PPIE: variants seen among roughly 807,000 people sequenced by gnomAD.
PPIE encodes peptidylprolyl isomerase E.
PPIE carries 20 observed loss-of-function variants against 38.4 expected under a neutral mutation model. That is an observed-to-expected ratio of 0.52 (90% CI 0.37 to 0.76). PPIE has a LOEUF of 0.76. Among genes scored for constraint, PPIE ranks in the 30% least tolerant of loss-of-function variants. The probability of loss-of-function intolerance (pLI) is 0.00; values close to 1 mark genes in which losing one functional copy is unlikely to be tolerated. For missense variants in PPIE, 322 were observed against 385.8 expected (o/e 0.83, Z 1.39); for synonymous variants, 142 against 135.7 (o/e 1.05, Z -0.32).
At chr1:39,762,840 T>C (rs1289750244) in intron 9 of PPIE, among the ~76,000 whole-genome samples, 27 of 152,242 alleles carry the variant, frequency 1.8e-4, no homozygotes, top group Admixed American at 1.4e-3. Flanking sequence ...GTTTGTTCGG[T>C]GCATAGAACA....
intron 9 of PPIE, 101 bp from the exon 10 acceptor site, chr1:39,753,186 G>C (rs1402609125): frequency 2.5e-6 from 4 of 1,585,554 alleles, no homozygotes; most frequent in Non-Finnish European, 3.5e-6. Context: ...CTGCTGCCCA[G>C]GTTCCGGGGT....
At chr1:39,745,727 A>G in intron 7 of PPIE, 1 of 526,018 alleles carries the variant, frequency 1.9e-6, no homozygotes, top group Non-Finnish European at 3.3e-6. Flanking sequence ...AAATACAAGT[A>G]AATAATGTAT....
At position 39,744,633 on chromosome 1, in the gene PPIE, TCATGGGCAG is replaced by T. The variant is rs1322111034; in HGVS notation, c.384+711_384+719del. ...CTTCAGATATTTCTGCCTGCAAGTC[TCATGGGCAG>T]CTTAAGTTTGCCTAAAATGGATTCT... On this transcript the variant is annotated intron_variant, in intron 6 of 9. Transcript: ENST00000324379. 3.3e-5 allele frequency among the ~76,000 whole-genome samples: 5 copies of T among 152,216 alleles called. No individual in the cohort carries two copies. In the East Asian group the frequency reaches 9.6e-4, roughly 29 times the overall value.
At chr1:39,763,605 T>C (rs1649343737) in intron 9 of PPIE, 2 of 1,417,992 alleles carry the variant, frequency 1.4e-6, no homozygotes, top group Non-Finnish European at 1.9e-6. Flanking sequence ...AAGAAAAAAA[T>C]ACATAAGAAA....
chr1:39,750,894 T>C (rs1647657909), intron 8 of PPIE, among the ~76,000 whole-genome samples: 1 of 152,230 alleles, frequency 6.6e-6, no homozygotes, highest in African/African-American at 2.4e-5. Flanking sequence ...TATAGCCCAC[T>C]GACCCACATC....
chr1:39,751,830 A>C (rs915967979), intron 8 of PPIE, among the ~76,000 whole-genome samples: 8 of 152,144 alleles, frequency 5.3e-5, no homozygotes, highest in Non-Finnish European at 2.9e-5. Context: ...CATGCCTGTA[A>C]TCCCAACACT....
intron 8 of PPIE, among the ~76,000 whole-genome samples, chr1:39,750,574 G>A (rs971486812): frequency 6.6e-6 from 1 of 152,210 alleles, no homozygotes; most frequent in Non-Finnish European, 1.5e-5. Context: ...CAGTGCTCGT[G>A]AAGTTTCAGA....
downstream of PPIE, chr1:39,760,524 T>C: frequency 6.2e-7 from 1 of 1,614,016 alleles, no homozygotes; most frequent in East Asian, 2.2e-5. Flanking sequence ...GCTTGGTGGG[T>C]GCACAGCACG....
In PPIE at chr1:39,747,455, C is replaced by CTTTTTTTTT. The variant is rs35755213; in HGVS notation, c.509-1431_509-1423dup. The CTTTTTTTTT allele has an allele frequency of 5.1e-4, 37 of 72,976 alleles. 1 individual carries two copies. The highest frequency in any genetic ancestry group is 0.014 in the Middle Eastern group (1 of 72). 4.5% of individuals were successfully genotyped at this position (72,976 alleles called of 1,614,324 possible). On this transcript the variant is annotated intron_variant, in intron 7 of 9. Coordinates refer to ENST00000324379, the MANE Select transcript of PPIE (RefSeq NM_006112.4). ...GTGTTTCAGTTTTTCCACATCTTCT[C>CTTTTTTTTT]TTTTTTTTTTTTTTTTTTTTTTTTT...
intron 7 of PPIE, chr1:39,748,681 ACT>A: frequency 2.0e-6 from 1 of 512,440 alleles, no homozygotes; most frequent in Non-Finnish European, 3.5e-6. Context: ...GTTGCAGTGA[ACT>A]GAGATTGTGC....
Position 39,763,738 on chromosome 1 carries a change from C to G in PPIE, c.887C>G (p.Thr296Arg), listed in dbSNP as rs150985572. ...AGCCAGCCGAGGTCCTGGAAGCTGA[C>G]GTAGAGCTCGTGCCGACGGCAGACC... Residue 296 changes from threonine to arginine, a missense_variant, in exon 10 of 10, where the codon ACG becomes AGG. Physicochemically the swap from Thr to Arg is moderately conservative, Grantham distance 71. Coordinates refer to the PPIE transcript ENST00000356511. 2.6e-5 allele frequency: 42 copies of G among 1,603,188 alleles called. 5 individuals carry two copies. In the African/African-American group the frequency reaches 5.7e-4, roughly 22 times the overall value.
downstream of PPIE, chr1:39,757,355 C>T (rs922311299): frequency 3.9e-5 from 6 of 152,236 alleles, no homozygotes; most frequent in Non-Finnish European, 7.3e-5. Context: ...GAACCAATAT[C>T]ATACTCTACA....
chr1:39,740,650 G>A (rs549151391), intron 2 of PPIE, among the ~76,000 whole-genome samples: 5 of 152,344 alleles, frequency 3.3e-5, no homozygotes, highest in African/African-American at 1.2e-4. Context: ...CCATAATGGG[G>A]GTGGGTGAGG....
rs542999110 is a variant in PPIE, at chr1:39,753,720, C to G, written c.*365C>G. On this transcript the variant is annotated 3_prime_UTR_variant, in exon 10 of 10. Transcript: ENST00000324379. ...TCTTATATTGCTCTTCCTGCTAGTT[C>G]TTGGGAGTTGTCAGAGATTGTGTCT... 5.8e-6 allele frequency: 6 copies of G among 1,040,132 alleles called. No individual in the cohort carries two copies. Among genetic ancestry groups the G allele is most frequent in the South Asian group, 3.8e-5 (1 of 26,248 alleles). The allele number at this position is 1,040,132 out of a possible 1,614,324, so 64.4% of individuals were successfully genotyped here. A position where few individuals can be genotyped will look rare whatever the true frequency, so the allele number is the denominator to read the frequency against.
rs1648124301 is a variant in PPIE, at chr1:39,755,094, G to C, written c.*1739G>C. The stretch of plus-strand genomic sequence containing the variant: ...TGTGTGCAGCCACTTCTTGGAGCTG[G>C]CTTCTCTCCACTCCCCCTCCAGATG... On this transcript the variant is annotated 3_prime_UTR_variant, in exon 10 of 10. Transcript: ENST00000324379. 2.0e-6 allele frequency: 2 copies of C among 985,314 alleles called. No homozygotes were observed. The highest frequency in any genetic ancestry group is 1.7e-5 in the African/African-American group (1 of 57,234). The allele number at this position is 985,314 out of a possible 1,614,324, so 61.0% of individuals were successfully genotyped here. A position where few individuals can be genotyped will look rare whatever the true frequency, so the allele number is the denominator to read the frequency against.
rs1648271232 is a variant in PPIE at position 39,756,362 on chromosome 1, C to G, written c.*3007C>G. ...GGGCTTCCTTTTGCTGATTCATTTC[C>G]CCCCTAACTCATTCAGAGTTGAGCC... On this transcript the variant is annotated 3_prime_UTR_variant, in exon 10 of 10. Coordinates refer to ENST00000324379, the MANE Select transcript of PPIE (RefSeq NM_006112.4). The G allele has an allele frequency of 1.0e-6, 1 of 985,296 alleles. No individual in the cohort carries two copies. The highest frequency in any genetic ancestry group is 1.7e-5 in the African/African-American group (1 of 57,230). The allele number at this position is 985,296 out of a possible 1,614,324, so 61.0% of individuals were successfully genotyped here. A position where few individuals can be genotyped will look rare whatever the true frequency, so the allele number is the denominator to read the frequency against.
intron 8 of PPIE, among the ~76,000 whole-genome samples, chr1:39,751,249 C>A (rs1295622156): frequency 6.6e-6 from 1 of 152,172 alleles, no homozygotes; most frequent in African/African-American, 2.4e-5. Context: ...AAAAGCACTC[C>A]AAAACTTTGG....
In PPIE at chr1:39,755,519, T is replaced by C. The variant is rs1241440447; in HGVS notation, c.*2164T>C. The C allele has an allele frequency of 2.0e-6, 2 of 985,212 alleles. No individual in the cohort carries two copies. The highest frequency in any genetic ancestry group is 3.5e-5 in the African/African-American group (2 of 57,188). 61.0% of individuals were successfully genotyped at this position (985,212 alleles called of 1,614,324 possible). A position where few individuals can be genotyped will look rare whatever the true frequency, so the allele number is the denominator to read the frequency against. On this transcript the variant is annotated 3_prime_UTR_variant, in exon 10 of 10. Coordinates refer to ENST00000324379, the MANE Select transcript of PPIE (RefSeq NM_006112.4). ...GCACAGCCCCTTCTCTGAGTGCAAA[T>C]AATGGCCATCAGAGGTCAGTCACAG...
At chr1:39,757,095 A>G (rs1003634393), downstream of PPIE, 3 of 152,362 alleles carry the variant, frequency 2.0e-5, no homozygotes, top group Admixed American at 6.5e-5. Context: ...TTTAAAGGCT[A>G]TAAGAATACA....
Sources: allele counts gnomAD v4.1 joint callset (sites outside exome capture counted in the v4.1 genomes callset), GRCh38; gene constraint gnomAD v4.1.1; transcripts MANE v1.5; gene names NCBI Gene and HGNC (gene_info 2026-07-23, HGNC 2026-07-21).